The following ADGRL2 variants were observed in gnomAD, a reference collection of about 807,000 sequenced individuals.
ADGRL2 encodes the protein calcium-independent alpha-latrotoxin receptor 2.
A neutral mutation model predicts 157.4 loss-of-function variants in ADGRL2; 44 were observed. That is an observed-to-expected ratio of 0.28 (90% CI 0.22 to 0.36). ADGRL2 has a LOEUF of 0.36. ADGRL2 is among the 10% of genes least tolerant of loss of function. The pLI, the probability that ADGRL2 is intolerant of heterozygous loss-of-function variation, is 1.00. For missense variants in ADGRL2, 1,510 were observed against 1,768.9 expected (o/e 0.85, Z 2.63); for synonymous variants, 585 against 624.7 (o/e 0.94, Z 0.95).
intron 13 of ADGRL2, among the ~76,000 whole-genome samples, chr1:81,967,058 G>A (rs1657277171): frequency 6.6e-6 from 1 of 152,098 alleles, no homozygotes; most frequent in African/African-American, 2.4e-5. Flanking sequence ...AACAGTTGAG[G>A]AGATGTGATT....
chr1:81,411,792 A>G (rs932549465), intron 1 of ADGRL2, among the ~76,000 whole-genome samples: 3 of 151,694 alleles, frequency 2.0e-5, no homozygotes, highest in African/African-American at 7.3e-5. Context: ...AGGCAGGAGA[A>G]TGGCGTGAAC....
At chr1:81,666,570 C>T (rs1203059275) in intron 3 of ADGRL2, among the ~76,000 whole-genome samples, 1 of 152,074 alleles carries the variant, frequency 6.6e-6, no homozygotes, top group Non-Finnish European at 1.5e-5. Flanking sequence ...CCTGCTAGTT[C>T]AACTATTAAA....
At chr1:81,708,677 C>T (rs1392558096) in intron 1 of ADGRL2, among the ~76,000 whole-genome samples, 1 of 148,008 alleles carries the variant, frequency 6.8e-6, no homozygotes. Context: ...TATATATATC[C>T]TAAATTGTAA....
chr1:81,475,904 CG>C (rs2078262555), intron 2 of ADGRL2, among the ~76,000 whole-genome samples: 1 of 152,130 alleles, frequency 6.6e-6, no homozygotes, highest in Admixed American at 6.5e-5. Context: ...ATCTCTGCCA[CG>C]GGGGCAAGTA....
intron 1 of ADGRL2, among the ~76,000 whole-genome samples, chr1:81,307,018 A>G (rs1659384734): frequency 6.6e-6 from 1 of 152,246 alleles, no homozygotes; most frequent in South Asian, 2.1e-4. Flanking sequence ...CTTATTGCTA[A>G]CAGGCCTGTC....
chr1:81,624,976 C>G (rs1308546043), intron 3 of ADGRL2, among the ~76,000 whole-genome samples: 1 of 152,212 alleles, frequency 6.6e-6, no homozygotes, highest in Non-Finnish European at 1.5e-5. Context: ...AGTACAGAGT[C>G]TCTTTGGTGA....
chr1:81,403,277 G>A (rs1345588491), intron 1 of ADGRL2, among the ~76,000 whole-genome samples: 1 of 148,686 alleles, frequency 6.7e-6, no homozygotes, highest in South Asian at 2.1e-4. Context: ...TTTGTTTTTT[G>A]TTTTTGAGAC....
intron 1 of ADGRL2, among the ~76,000 whole-genome samples, chr1:81,430,933 G>T (rs756827354): frequency 6.6e-6 from 1 of 152,184 alleles, no homozygotes; most frequent in Non-Finnish European, 1.5e-5. Context: ...GAAAGAAAAA[G>T]AAGCACTGTG....
chr1:81,362,454 A>G (rs1241922277), intron 1 of ADGRL2, among the ~76,000 whole-genome samples: 1 of 151,886 alleles, frequency 6.6e-6, no homozygotes, highest in East Asian at 1.9e-4. Flanking sequence ...AACTTTAGTC[A>G]TTACATGGGA....
intron 2 of ADGRL2, among the ~76,000 whole-genome samples, chr1:81,791,402 G>A (rs12089140): frequency 0.014 from 2,171 of 152,186 alleles, 49 homozygotes; most frequent in African/African-American, 0.05. Context: ...AAAGTGAGAG[G>A]ACTGAAGAAG....
chr1:81,898,491 A>T (rs2094433367), intron 2 of ADGRL2, among the ~76,000 whole-genome samples: 1 of 152,212 alleles, frequency 6.6e-6, no homozygotes, highest in African/African-American at 2.4e-5. Context: ...GTAAGCACAA[A>T]AAAGTAGATG....
At chr1:81,828,407 GT>G (rs776394888) in intron 1 of ADGRL2, among the ~76,000 whole-genome samples, 20 of 150,960 alleles carry the variant, frequency 1.3e-4, no homozygotes, top group East Asian at 7.8e-4. Flanking sequence ...CATTGGAAAT[GT>G]TTTTTTTTAA....
At chr1:81,786,386 T>C (rs1041436919) in intron 2 of ADGRL2, among the ~76,000 whole-genome samples, 5 of 152,192 alleles carry the variant, frequency 3.3e-5, no homozygotes, top group Non-Finnish European at 5.9e-5. Flanking sequence ...GAGACCACCC[T>C]GGACAACATG....
chr1:81,484,205 AAAAC>A (rs1183317659), intron 2 of ADGRL2, among the ~76,000 whole-genome samples: 1 of 152,216 alleles, frequency 6.6e-6, no homozygotes, highest in African/African-American at 2.4e-5. Flanking sequence ...CAATGAATAA[AAAAC>A]AAATATGTCT....
At chr1:81,982,264 G>C (rs1012356837) in intron 19 of ADGRL2, among the ~76,000 whole-genome samples, 1 of 151,744 alleles carries the variant, frequency 6.6e-6, no homozygotes. Flanking sequence ...GGATATACAA[G>C]GTAAAAGAAA....
rs550768527 is a variant in ADGRL2 at position 81,743,536 on chromosome 1, G to A, written c.-142-18275G>A. Among the ~76,000 whole-genome samples the A allele has an allele frequency of 4.0e-5, 6 of 151,830 alleles. No individual in the cohort carries two copies. In the South Asian group the frequency reaches 1.2e-3, roughly 32 times the overall value. On this transcript the variant is annotated intron_variant, in intron 1 of 20. Transcript: ENST00000359929. ...GGGATAATTTATAGGATGTACCTTA[G>A]GAATTATTATTAGAAGAATAAAAAA... is the stretch of plus-strand genomic sequence containing the variant.
At chr1:81,534,989 C>G (rs2079698515) in intron 2 of ADGRL2, among the ~76,000 whole-genome samples, 1 of 152,200 alleles carries the variant, frequency 6.6e-6, no homozygotes, top group African/African-American at 2.4e-5. Flanking sequence ...TCTTCCCCTA[C>G]CTCCCCAACC....
At chr1:81,312,274 C>T (rs530485853) in intron 1 of ADGRL2, among the ~76,000 whole-genome samples, 76 of 152,278 alleles carry the variant, frequency 5.0e-4, no homozygotes, top group African/African-American at 1.8e-3. Flanking sequence ...CAGTTTTACC[C>T]GGGCGGACGC....
chr1:81,924,660 A>G (rs2095063812), intron 3 of ADGRL2, among the ~76,000 whole-genome samples: 1 of 152,030 alleles, frequency 6.6e-6, no homozygotes, highest in Non-Finnish European at 1.5e-5. Context: ...TTTAAACTGG[A>G]TTTCTTGGAG....
Sources: gnomAD v4.1 joint callset for allele counts (sites outside exome capture counted in the v4.1 genomes callset) on GRCh38, gnomAD v4.1.1 for gene constraint, MANE v1.5 for transcripts, NCBI Gene and HGNC (gene_info 2026-07-23, HGNC 2026-07-21) for gene names.